The following GRID2 variants were observed in gnomAD, a reference collection of about 807,000 sequenced individuals.
The protein encoded by GRID2 is glutamate ionotropic receptor delta type subunit 2.
Under a neutral mutation model 114.8 loss-of-function variants are expected in GRID2, and 33 were observed. The ratio of observed to expected loss-of-function variants is 0.29; its 90% CI spans 0.22 to 0.38. GRID2 has a LOEUF of 0.38. Among genes scored for constraint, GRID2 ranks in the 10% least tolerant of loss-of-function variants. GRID2 has a pLI of 1.00. For missense variants in GRID2, 1,184 were observed against 1,257.7 expected (o/e 0.94, Z 0.89); for synonymous variants, 505 against 449.9 (o/e 1.12, Z -1.55).
chr4:93,126,190 A>G (rs575989613), intron 4 of GRID2, among the ~76,000 whole-genome samples: 1 of 152,322 alleles, frequency 6.6e-6, no homozygotes, highest in South Asian at 2.1e-4. Context: ...TAGCATTAGT[A>G]TATTATAGTT....
At chr4:92,500,711 A>G (rs1723639672) in intron 1 of GRID2, among the ~76,000 whole-genome samples, 1 of 152,156 alleles carries the variant, frequency 6.6e-6, no homozygotes, top group Non-Finnish European at 1.5e-5. Context: ...TTTGTCCGCC[A>G]GAAGCCAGGA....
intron 8 of GRID2, among the ~76,000 whole-genome samples, chr4:93,325,871 T>C (rs1334563572): frequency 6.6e-6 from 1 of 152,128 alleles, no homozygotes; most frequent in Non-Finnish European, 1.5e-5. Flanking sequence ...AGATTTTTAA[T>C]TGTGAGTTAG....
intron 2 of GRID2, among the ~76,000 whole-genome samples, chr4:92,790,724 GAAAAAA>G (rs148843080): frequency 5.0e-5 from 5 of 99,404 alleles, no homozygotes; most frequent in African/African-American, 1.0e-4. Context: ...AGCTTTTTAA[GAAAAAA>G]AAAAAAAAAA....
At chr4:93,406,323 A>T (rs528175115) in intron 9 of GRID2, among the ~76,000 whole-genome samples, 2 of 152,320 alleles carry the variant, frequency 1.3e-5, no homozygotes, top group East Asian at 3.9e-4. Flanking sequence ...GGCAGTTTCC[A>T]TACTGGAGAC....
At chr4:93,015,615 T>G (rs1722609560) in intron 2 of GRID2, among the ~76,000 whole-genome samples, 1 of 152,154 alleles carries the variant, frequency 6.6e-6, no homozygotes. Context: ...ATGCTATTAA[T>G]CCTCACAGCA....
intron 11 of GRID2, among the ~76,000 whole-genome samples, chr4:93,489,027 C>CA (rs1434635915): frequency 6.6e-6 from 1 of 151,712 alleles, no homozygotes; most frequent in East Asian, 1.9e-4. Flanking sequence ...CATATTCATT[C>CA]AAAAAAACAT....
chr4:92,461,511 T>A (rs145687783), intron 1 of GRID2, among the ~76,000 whole-genome samples: 6 of 152,024 alleles, frequency 3.9e-5, no homozygotes, highest in African/African-American at 4.8e-5. Flanking sequence ...GCTTTCTCGA[T>A]ATCTTTCTCA....
At chr4:93,318,933 A>G (rs1560493901) in intron 8 of GRID2, 1 of 152,152 alleles carries the variant, frequency 6.6e-6, no homozygotes. Flanking sequence ...ATGCTGATAA[A>G]TATGTTGAAC....
chr4:92,714,451 C>T (rs966076318), intron 2 of GRID2, among the ~76,000 whole-genome samples: 1 of 152,188 alleles, frequency 6.6e-6, no homozygotes, highest in Non-Finnish European at 1.5e-5. Context: ...TGGTAGCCCT[C>T]TTCTCACAGC....
intron 8 of GRID2, among the ~76,000 whole-genome samples, chr4:93,268,882 G>T (rs1331222385): frequency 1.3e-5 from 2 of 152,094 alleles, no homozygotes; most frequent in African/African-American, 4.8e-5. Context: ...GTAGCCCACG[G>T]CCAATTATGT....
rs184364068 is a variant in GRID2 at position 93,581,166 on chromosome 4, A to G, written c.2194-45103A>G. On this transcript the variant is annotated intron_variant, in intron 13 of 15. Transcript: ENST00000282020. Reference sequence around the variant, plus strand: ...TGTGTCCATGTGTTCTCATTGTTCAACTCCCGCTTATGAGCAAGAACATGC... The same window carrying G: ...TGTGTCCATGTGTTCTCATTGTTCAGCTCCCGCTTATGAGCAAGAACATGC... 4.1e-3 allele frequency among the ~76,000 whole-genome samples: 560 copies of G among 136,348 alleles called. 1 individual carries two copies. The highest frequency in any genetic ancestry group is 0.015 in the African/African-American group (536 of 35,742). 89.4% of individuals were successfully genotyped at this position (136,348 alleles called of 152,430 possible).
intron 1 of GRID2, among the ~76,000 whole-genome samples, chr4:92,453,747 CT>C (rs1330754899): frequency 6.6e-6 from 1 of 152,028 alleles, no homozygotes; most frequent in Non-Finnish European, 1.5e-5. Flanking sequence ...TACGGCTTAC[CT>C]TTTAATTTTC....
intron 2 of GRID2, among the ~76,000 whole-genome samples, chr4:92,919,302 G>A (rs950149963): frequency 6.6e-6 from 1 of 151,980 alleles, no homozygotes; most frequent in African/African-American, 2.4e-5. Context: ...CAAAAAACCA[G>A]CTCCTGGATT....
intron 14 of GRID2, among the ~76,000 whole-genome samples, chr4:93,740,226 T>C (rs1010997606): frequency 6.6e-6 from 1 of 152,198 alleles, no homozygotes; most frequent in Non-Finnish European, 1.5e-5. Flanking sequence ...AGCCTATGTG[T>C]GTAGTAGTCT....
intron 3 of GRID2, among the ~76,000 whole-genome samples, chr4:93,091,512 A>T (rs975580439): frequency 1.3e-5 from 2 of 152,092 alleles, no homozygotes; most frequent in African/African-American, 2.4e-5. Context: ...TATCATTAAC[A>T]TCTGTCCTTT....
chr4:92,696,507 A>G (rs1734431471), intron 2 of GRID2, among the ~76,000 whole-genome samples: 1 of 152,136 alleles, frequency 6.6e-6, no homozygotes, highest in South Asian at 2.1e-4. Context: ...AATTACATAT[A>G]ATTGACTTAG....
chr4:92,937,153 G>T, intron 2 of GRID2, among the ~76,000 whole-genome samples: 1 of 145,418 alleles, frequency 6.9e-6, no homozygotes, highest in Non-Finnish European at 1.5e-5. Flanking sequence ...CCTTTCTCTC[G>T]CTGTCTTGAT....
chr4:92,677,545 C>A (rs1733433698), intron 2 of GRID2, among the ~76,000 whole-genome samples: 1 of 151,806 alleles, frequency 6.6e-6, no homozygotes, highest in African/African-American at 2.4e-5. Context: ...TAATTCATGC[C>A]CCAAATTGAA....
chr4:92,976,494 A>AT (rs1471618171), intron 2 of GRID2, among the ~76,000 whole-genome samples: 1 of 152,014 alleles, frequency 6.6e-6, no homozygotes, highest in African/African-American at 2.4e-5. Context: ...TCAACTCTTG[A>AT]TTTTATATAT....
Sources: allele counts gnomAD v4.1 joint callset (sites outside exome capture counted in the v4.1 genomes callset), GRCh38; gene constraint gnomAD v4.1.1; transcripts MANE v1.5; gene names NCBI Gene and HGNC (gene_info 2026-07-23, HGNC 2026-07-21).